Variants in SYT9 observed in about 807,000 individuals in gnomAD.
SYT9 encodes synaptotagmin-9.
SYT9 carries 22 observed loss-of-function variants against 48.4 expected under a neutral mutation model. That is an observed-to-expected ratio of 0.45 (90% CI 0.32 to 0.65). The LOEUF (loss-of-function observed/expected upper bound fraction) is 0.65. Among genes scored for constraint, SYT9 ranks in the 30% least tolerant of loss-of-function variants. The probability of loss-of-function intolerance (pLI) is 0.03; values close to 1 mark genes in which losing one functional copy is unlikely to be tolerated. For synonymous variants in SYT9, 265 were observed against 245.0 expected (o/e 1.08, Z -0.76); for missense variants, 577 against 622.0 (o/e 0.93, Z 0.77).
At chr11:7,402,263 C>T (rs1446283270) in intron 3 of SYT9, among the ~76,000 whole-genome samples, 3 of 151,694 alleles carry the variant, frequency 2.0e-5, no homozygotes, top group South Asian at 2.1e-4. Context: ...GGTGGATGTT[C>T]AGTATACACT....
upstream of SYT9, chr11:7,251,863 C>T: frequency 4.2e-6 from 1 of 240,656 alleles, no homozygotes; most frequent in South Asian, 1.7e-4. Context: ...GCCCCGCCCC[C>T]CGGCGGCCGC....
chr11:7,401,278 C>A (rs1184518573), intron 3 of SYT9, among the ~76,000 whole-genome samples: 1 of 151,230 alleles, frequency 6.6e-6, no homozygotes, highest in Non-Finnish European at 1.5e-5. Context: ...TAGGCATTAT[C>A]CTGTCCCCAA....
At chr11:7,258,182 A>C (rs1848010464) in intron 1 of SYT9, among the ~76,000 whole-genome samples, 1 of 152,196 alleles carries the variant, frequency 6.6e-6, no homozygotes, top group South Asian at 2.1e-4. Context: ...TAACAGGTTG[A>C]CTTGAGGGAA....
intron 6 of SYT9, chr11:7,454,138 T>C (rs1318523392): frequency 1.0e-6 from 1 of 985,302 alleles, no homozygotes; most frequent in Non-Finnish European, 1.2e-6. Context: ...GCTACCTACC[T>C]GATTTCCAGC....
chr11:7,344,926 T>G (rs1463276944), intron 3 of SYT9, among the ~76,000 whole-genome samples: 1 of 60,338 alleles, frequency 1.7e-5, no homozygotes, highest in Non-Finnish European at 3.3e-5. Context: ...CAGCTCATTA[T>G]TTTACACACA....
intron 3 of SYT9, among the ~76,000 whole-genome samples, chr11:7,403,306 T>C (rs1001742699): frequency 6.6e-6 from 1 of 152,188 alleles, no homozygotes; most frequent in Non-Finnish European, 1.5e-5. Context: ...ATGCCTGTAA[T>C]CCCAGCACTT....
Position 7,468,475 on chromosome 11 carries a change from T to TCCTCTGCTCAAGGTTCC in SYT9, c.*1686_*1702dup, listed in dbSNP as rs1848368973. On this transcript the variant is annotated 3_prime_UTR_variant, in exon 7 of 7. Coordinates refer to ENST00000318881, the MANE Select transcript of SYT9 (RefSeq NM_175733.4). Reference sequence around the variant, plus strand: ...CTGATGACATAAGGAAAACTTGGCTTCCTCTGCTCAAGGTTCCCCTCTGCT... The same window carrying TCCTCTGCTCAAGGTTCC: ...CTGATGACATAAGGAAAACTTGGCTTCCTCTGCTCAAGGTTCCCCTCTGCTCAAGGTTCCCCTCTGCT... 7.6e-6 allele frequency: 3 copies of TCCTCTGCTCAAGGTTCC among 395,836 alleles called. No homozygotes were observed. Among genetic ancestry groups the TCCTCTGCTCAAGGTTCC allele is most frequent in the African/African-American group, 4.1e-5 (2 of 48,702 alleles). The allele number at this position is 395,836 out of a possible 1,614,324, so 24.5% of individuals were successfully genotyped here. A position where few individuals can be genotyped will look rare whatever the true frequency, so the allele number is the denominator to read the frequency against.
At chr11:7,392,695 C>T (rs75109010) in intron 3 of SYT9, among the ~76,000 whole-genome samples, 4,246 of 152,086 alleles carry the variant, frequency 0.028, 206 homozygotes, top group African/African-American at 0.096. Flanking sequence ...TGCTTTGGGC[C>T]ATATGGACAT....
intron 6 of SYT9, chr11:7,435,292 G>T (rs895742402): frequency 6.6e-6 from 1 of 152,208 alleles, no homozygotes; most frequent in Non-Finnish European, 1.5e-5. Context: ...CAGAGGAGAT[G>T]CTTGAGAGCA....
At chr11:7,267,854 G>A (rs984643010) in intron 1 of SYT9, among the ~76,000 whole-genome samples, 1 of 151,568 alleles carries the variant, frequency 6.6e-6, no homozygotes, top group Admixed American at 6.6e-5. Flanking sequence ...TTCTGATCAA[G>A]GAAAAAATGA....
intron 2 of SYT9, among the ~76,000 whole-genome samples, chr11:7,308,337 G>T (rs937589982): frequency 6.6e-6 from 1 of 152,186 alleles, no homozygotes; most frequent in East Asian, 1.9e-4. Flanking sequence ...TCACCTCTGA[G>T]GTGGGCCACT....
intron 3 of SYT9, among the ~76,000 whole-genome samples, chr11:7,324,379 T>C (rs1272575875): frequency 1.3e-5 from 2 of 151,908 alleles, no homozygotes; most frequent in East Asian, 1.9e-4. Context: ...ATTCTATTAA[T>C]TCTATTTAAT....
intron 6 of SYT9, among the ~76,000 whole-genome samples, chr11:7,446,712 A>G (rs904937261): frequency 2.0e-5 from 3 of 152,176 alleles, no homozygotes; most frequent in Non-Finnish European, 2.9e-5. Context: ...GATGCCCACA[A>G]GCTCCCTCTC....
chr11:7,435,601 T>A (rs1847689465), intron 6 of SYT9: 1 of 152,232 alleles, frequency 6.6e-6, no homozygotes, highest in African/African-American at 2.4e-5. Flanking sequence ...AGCCCTGTGC[T>A]ATAGCTGAGG....
intron 3 of SYT9, among the ~76,000 whole-genome samples, chr11:7,403,809 C>G (rs1224464163): frequency 1.3e-5 from 2 of 151,924 alleles, no homozygotes; most frequent in Non-Finnish European, 2.9e-5. Flanking sequence ...GTAAACGGCT[C>G]TTTATAAAAT....
intron 1 of SYT9, among the ~76,000 whole-genome samples, chr11:7,261,749 C>T (rs1198114163): frequency 6.6e-6 from 1 of 151,682 alleles, no homozygotes; most frequent in Non-Finnish European, 1.5e-5. Context: ...ACAAAGGTCT[C>T]AAGGCAGGAG....
intron 1 of SYT9, among the ~76,000 whole-genome samples, chr11:7,287,258 A>G (rs1848613724): frequency 6.6e-6 from 1 of 152,172 alleles, no homozygotes; most frequent in South Asian, 2.1e-4. Context: ...TTATAAAACC[A>G]TCGGATCTCT....
chr11:7,242,596 CT>C (rs1457094757), intron 1 of SYT9, among the ~76,000 whole-genome samples: 2 of 152,120 alleles, frequency 1.3e-5, no homozygotes, highest in Non-Finnish European at 2.9e-5. Flanking sequence ...ATAATTTTAA[CT>C]TTGAAATAGA....
intron 3 of SYT9, among the ~76,000 whole-genome samples, chr11:7,331,195 T>TA (rs907550068): frequency 3.4e-5 from 3 of 89,192 alleles, no homozygotes; most frequent in African/African-American, 1.1e-4. Flanking sequence ...GATAAAACAT[T>TA]AAAAAATGTG....
Sources: gnomAD v4.1 joint callset for allele counts (sites outside exome capture counted in the v4.1 genomes callset) on GRCh38, gnomAD v4.1.1 for gene constraint, MANE v1.5 for transcripts, NCBI Gene and HGNC (gene_info 2026-07-23, HGNC 2026-07-21) for gene names.